PHACTR1: variants seen among roughly 807,000 people sequenced by gnomAD.
PHACTR1 encodes the protein RPEL repeat containing 1.
PHACTR1 carries 16 observed loss-of-function variants against 69.2 expected under a neutral mutation model. That is an observed-to-expected ratio of 0.23 (90% CI 0.16 to 0.35). The LOEUF (loss-of-function observed/expected upper bound fraction) is 0.35, where lower values mean the gene tolerates loss of function less well. Among genes scored for constraint, PHACTR1 ranks in the 10% least tolerant of loss-of-function variants. PHACTR1 has a pLI of 1.00. For synonymous variants in PHACTR1, 312 were observed against 284.5 expected (o/e 1.10, Z -0.97); for missense variants, 510 against 734.7 (o/e 0.69, Z 3.54).
At chr6:12,825,109 A>G (rs773577177) in intron 4 of PHACTR1, among the ~76,000 whole-genome samples, 50 of 151,998 alleles carry the variant, frequency 3.3e-4, no homozygotes, top group Non-Finnish European at 6.5e-4. Context: ...CAAGACTCCC[A>G]TCTCCACACA....
chr6:12,749,774 C>A lies in PHACTR1; in HGVS notation c.234C>A (p.Ser78=). 6.2e-7 allele frequency: 1 copy of A among 1,607,182 alleles called. No individual in the cohort carries two copies. The part of the protein sequence containing the change: ...DTPYLAEARI[S]FNLGAAEEVE... ...CGTACCTCGCAGAGGCCAGGATCTCCTTTAACCTGGGGGCAGGTAAGAACG... is the reference window on the plus strand; with the variant it reads ...CGTACCTCGCAGAGGCCAGGATCTCATTTAACCTGGGGGCAGGTAAGAACG... Residue 78 remains serine (S), a synonymous_variant, in exon 4 of 15, where the codon TCC becomes TCA. Transcript: ENST00000332995.
At chr6:12,935,628 C>T (rs1415297475) in intron 4 of PHACTR1, among the ~76,000 whole-genome samples, 4 of 150,794 alleles carry the variant, frequency 2.7e-5, no homozygotes, top group South Asian at 2.1e-4. Context: ...GGTATGCCCA[C>T]GTGTGTGTGT....
At chr6:12,948,938 G>T (rs993359029) in intron 4 of PHACTR1, among the ~76,000 whole-genome samples, 5 of 152,114 alleles carry the variant, frequency 3.3e-5, no homozygotes, top group East Asian at 1.9e-4. Flanking sequence ...ATGCTTGAAG[G>T]TCAGATCAAG....
At chr6:13,050,480 A>G (rs1805779246) in intron 4 of PHACTR1, among the ~76,000 whole-genome samples, 1 of 152,128 alleles carries the variant, frequency 6.6e-6, no homozygotes, top group South Asian at 2.1e-4. Context: ...CTGATCAGTA[A>G]TACTTTTGTG....
intron 4 of PHACTR1, among the ~76,000 whole-genome samples, chr6:12,951,227 C>G (rs1413903955): frequency 6.6e-6 from 1 of 152,180 alleles, no homozygotes; most frequent in African/African-American, 2.4e-5. Flanking sequence ...CTGGGAAGCT[C>G]TATGTGAAAC....
At chr6:13,271,070 G>A (rs1223401) in intron 10 of PHACTR1, among the ~76,000 whole-genome samples, 27,443 of 150,012 alleles carry the variant, frequency 0.18, 2,617 homozygotes, top group South Asian at 0.33. Flanking sequence ...GTGCAGTGGC[G>A]CAATGTCGGC....
intron 5 of PHACTR1, among the ~76,000 whole-genome samples, chr6:13,135,633 T>C (rs897902776): frequency 9.8e-5 from 15 of 152,340 alleles, no homozygotes; most frequent in Middle Eastern, 3.4e-3. Context: ...AATTCAGTGC[T>C]ATCAGTAAAG....
chr6:12,755,359 G>A (rs2127602455), intron 4 of PHACTR1, among the ~76,000 whole-genome samples: 1 of 152,300 alleles, frequency 6.6e-6, no homozygotes, highest in African/African-American at 2.4e-5. Flanking sequence ...TCAGCTCTAA[G>A]ATGAGGGTTT....
chr6:12,956,432 T>C (rs1392586835), intron 4 of PHACTR1, among the ~76,000 whole-genome samples: 4 of 152,180 alleles, frequency 2.6e-5, no homozygotes, highest in Non-Finnish European at 4.4e-5. Flanking sequence ...TAACAGATGC[T>C]AAGACAGGGA....
chr6:12,867,111 G>A (rs532072835), intron 4 of PHACTR1, among the ~76,000 whole-genome samples: 123 of 152,274 alleles, frequency 8.1e-4, no homozygotes, highest in Admixed American at 1.9e-3. Flanking sequence ...GGCCTCCAGC[G>A]AAGGGGGGTT....
chr6:12,923,839 T>G (rs1462051484), intron 4 of PHACTR1, among the ~76,000 whole-genome samples: 1 of 152,112 alleles, frequency 6.6e-6, no homozygotes, highest in Non-Finnish European at 1.5e-5. Context: ...GAGGCAGTAG[T>G]GTAAGGAAGT....
At chr6:12,740,196 C>A (rs547610726) in intron 3 of PHACTR1, among the ~76,000 whole-genome samples, 4 of 151,922 alleles carry the variant, frequency 2.6e-5, no homozygotes, top group Non-Finnish European at 5.9e-5. Flanking sequence ...TGTATGAAGA[C>A]ATTACAATTA....
intron 4 of PHACTR1, among the ~76,000 whole-genome samples, chr6:12,983,410 C>T (rs1236707145): frequency 6.6e-6 from 1 of 151,646 alleles, no homozygotes; most frequent in African/African-American, 2.4e-5. Context: ...GAAGAGCACT[C>T]CAGACAAAAA....
intron 4 of PHACTR1, among the ~76,000 whole-genome samples, chr6:13,028,581 C>A (rs977896927): frequency 2.6e-5 from 4 of 152,200 alleles, no homozygotes; most frequent in African/African-American, 7.2e-5. Context: ...CAGCGTTTTT[C>A]AGGCTGAGGA....
At chr6:12,754,067 A>G (rs1208497771) in intron 4 of PHACTR1, among the ~76,000 whole-genome samples, 4 of 147,072 alleles carry the variant, frequency 2.7e-5, no homozygotes, top group Non-Finnish European at 4.5e-5. Flanking sequence ...GGTTCATGCC[A>G]TTCTCCTGCC....
At chr6:13,215,709 G>A (rs991091154) in intron 8 of PHACTR1, among the ~76,000 whole-genome samples, 3 of 152,186 alleles carry the variant, frequency 2.0e-5, no homozygotes, top group Admixed American at 1.3e-4. Context: ...CATACAGGTC[G>A]GATCAGCTGC....
At chr6:12,978,523 A>T (rs1290219371) in intron 4 of PHACTR1, among the ~76,000 whole-genome samples, 1 of 152,088 alleles carries the variant, frequency 6.6e-6, no homozygotes, top group Non-Finnish European at 1.5e-5. Flanking sequence ...CTTTGCTCCC[A>T]AGACACCCAA....
chr6:13,236,545 C>G (rs1772017063), intron 10 of PHACTR1, among the ~76,000 whole-genome samples: 2 of 152,104 alleles, frequency 1.3e-5, no homozygotes, highest in Admixed American at 1.3e-4. Flanking sequence ...AATCTTTGGT[C>G]TTCCTTGGCT....
At chr6:13,281,117 C>T in intron 12 of PHACTR1, 7 of 1,289,354 alleles carry the variant, frequency 5.4e-6, no homozygotes, top group Non-Finnish European at 7.1e-6. Flanking sequence ...CAGCCCCTGA[C>T]CTGCAGCATT....
Sources: allele counts gnomAD v4.1 joint callset (sites outside exome capture counted in the v4.1 genomes callset), GRCh38; gene constraint gnomAD v4.1.1; transcripts MANE v1.5; gene names NCBI Gene and HGNC (gene_info 2026-07-23, HGNC 2026-07-21).